The following TMEM131L variants were observed in gnomAD, a reference collection of about 807,000 sequenced individuals.
TMEM131L encodes transmembrane protein 131-like.
In TMEM131L, 54 loss-of-function variants were observed where a neutral mutation model predicts 192.2. The observed-to-expected ratio is 0.28, with a 90% CI of 0.23 to 0.35. The LOEUF (loss-of-function observed/expected upper bound fraction) is 0.35. Ranked by LOEUF, TMEM131L falls within the 10% of genes least tolerant of loss-of-function variation. The pLI, the probability that TMEM131L is intolerant of heterozygous loss-of-function variation, is 1.00. For synonymous variants in TMEM131L, 701 were observed against 704.9 expected (o/e 0.99, Z 0.09); for missense variants, 1,888 against 1,972.9 (o/e 0.96, Z 0.82).
chr4:153,551,022 G>A (rs1417085817), intron 4 of TMEM131L, among the ~76,000 whole-genome samples: 1 of 152,192 alleles, frequency 6.6e-6, no homozygotes, highest in East Asian at 1.9e-4. Context: ...GCAACATAAG[G>A]ACTCTTGTTG....
intron 3 of TMEM131L, among the ~76,000 whole-genome samples, chr4:153,525,889 G>A (rs563978223): frequency 1.5e-4 from 22 of 151,258 alleles, no homozygotes; most frequent in Non-Finnish European, 2.1e-4. Flanking sequence ...ATGGAGTCTC[G>A]CTCTGTCGCC....
intron 25 of TMEM131L, among the ~76,000 whole-genome samples, chr4:153,609,966 C>G (rs1402330823): frequency 6.6e-6 from 1 of 152,088 alleles, no homozygotes; most frequent in Non-Finnish European, 1.5e-5. Context: ...TGATGTTTTC[C>G]TTTGTGGATA....
intron 2 of TMEM131L, among the ~76,000 whole-genome samples, chr4:153,468,193 A>G (rs1730904720): frequency 6.6e-6 from 1 of 152,238 alleles, no homozygotes; most frequent in South Asian, 2.1e-4. Context: ...GTCCAGTTTT[A>G]CATTTCAGTT....
intron 9 of TMEM131L, among the ~76,000 whole-genome samples, chr4:153,582,430 G>GTTTTT (rs1561212531): frequency 3.9e-4 from 15 of 38,504 alleles, no homozygotes; most frequent in Middle Eastern, 0.021. Flanking sequence ...GTTTTTTTTT[G>GTTTTT]TTGTTTTTTT....
chr4:153,519,000 T>TA (rs1734926680), intron 3 of TMEM131L, among the ~76,000 whole-genome samples: 1 of 152,178 alleles, frequency 6.6e-6, no homozygotes, highest in Admixed American at 6.5e-5. Flanking sequence ...CCACCATTCT[T>TA]ACATTTGCTG....
rs1050321112 is a variant in TMEM131L, at chr4:153,469,729, C to G, written c.195+2448C>G. Among the ~76,000 whole-genome samples, 6 of 152,072 alleles carry G rather than the reference C, an allele frequency of 3.9e-5. 1 individual carries two copies. The highest frequency in any genetic ancestry group is 1.5e-4 in the African/African-American group (6 of 41,372). On this transcript the variant is annotated intron_variant, in intron 2 of 34. Transcript: ENST00000409959. ...ATCACCTGAGGTCAGGAGTTTGAGA[C>G]CAGTCTGACCAACATGGACAAACTC...
At chr4:153,570,277 T>G (rs747597758) in intron 7 of TMEM131L, among the ~76,000 whole-genome samples, 10 of 152,206 alleles carry the variant, frequency 6.6e-5, no homozygotes, top group Non-Finnish European at 1.3e-4. Context: ...CTCCAAGCAC[T>G]AATTTTAAGC....
intron 3 of TMEM131L, among the ~76,000 whole-genome samples, chr4:153,506,881 A>C (rs1274613230): frequency 6.6e-6 from 1 of 151,356 alleles, no homozygotes; most frequent in South Asian, 2.1e-4. Flanking sequence ...AAAAAAGAGT[A>C]TTTACTACTT....
At chr4:153,629,077 G>T (rs189340878) in intron 31 of TMEM131L, among the ~76,000 whole-genome samples, 560 of 152,190 alleles carry the variant, frequency 3.7e-3, no homozygotes, top group Non-Finnish European at 6.3e-3. Context: ...CCATGGTTTT[G>T]CCTAGTGCCC....
chr4:153,523,923 A>C (rs1314279563), intron 3 of TMEM131L, among the ~76,000 whole-genome samples: 1 of 152,176 alleles, frequency 6.6e-6, no homozygotes, highest in Non-Finnish European at 1.5e-5. Flanking sequence ...CCTTCCATAA[A>C]GGGAGCATGT....
chr4:153,477,717 A>C (rs1731649355), intron 3 of TMEM131L, among the ~76,000 whole-genome samples: 1 of 152,196 alleles, frequency 6.6e-6, no homozygotes. Flanking sequence ...AAAGTTTCAG[A>C]AAATAGTACT....
rs559403410 is a variant in TMEM131L at position 153,631,018 on chromosome 4, A to G, written c.4208-1700A>G. ...AGACCAAGCACCTAAACCATTGGCA[A>G]TAGCCTGAGAGTTGTTTACACCTAG... On this transcript the variant is annotated intron_variant, in intron 31 of 34. Coordinates refer to ENST00000409959, the MANE Select transcript of TMEM131L (RefSeq NM_001131007.2). Among the ~76,000 whole-genome samples, 10 of 152,378 alleles carry G rather than the reference A, an allele frequency of 6.6e-5. No individual in the cohort carries two copies. The South Asian group carries it at 2.1e-3, about 32-fold the overall frequency.
At chr4:153,494,411 ACTT>A (rs1396258882) in intron 3 of TMEM131L, among the ~76,000 whole-genome samples, 1 of 152,180 alleles carries the variant, frequency 6.6e-6, no homozygotes, top group Non-Finnish European at 1.5e-5. Flanking sequence ...TGTTTATGAT[ACTT>A]CTTTACAGAA....
At chr4:153,536,719 T>TCTCC (rs746417436) in intron 3 of TMEM131L, among the ~76,000 whole-genome samples, 26 of 105,862 alleles carry the variant, frequency 2.5e-4, no homozygotes, top group Non-Finnish European at 3.4e-4. Context: ...TGTCTATCTA[T>TCTCC]CTCCCTCCCT....
rs1007184571 is a variant in TMEM131L at position 153,466,375 on chromosome 4, C to A, written c.-23C>A. 3 of 1,274,486 alleles carry A rather than the reference C, an allele frequency of 2.4e-6. No homozygotes were observed. The highest frequency in any genetic ancestry group is 3.2e-5 in the East Asian group (1 of 31,096). The allele number at this position is 1,274,486 out of a possible 1,614,324, so 78.9% of individuals were successfully genotyped here. On this transcript the variant is annotated 5_prime_UTR_variant, in exon 1 of 35. Coordinates refer to ENST00000409959, the MANE Select transcript of TMEM131L (RefSeq NM_001131007.2). The stretch of plus-strand genomic sequence containing the variant: ...AGCTAGCGGCGAGCGCGGCGAGCAA[C>A]GGAGAGGAGCGCGAGCAGCAGCATG...
In TMEM131L at chr4:153,623,463, A is replaced by G. The variant is rs773868509; in HGVS notation, c.4045+380A>G. On this transcript the variant is annotated intron_variant, in intron 29 of 34. Coordinates refer to ENST00000409959, the MANE Select transcript of TMEM131L (RefSeq NM_001131007.2). The stretch of plus-strand genomic sequence containing the variant: ...CAACTGTCCATCTCCAGTATTTTTT[A>G]TCTTGCAAAACTGAAACTGTACCCA... 2.6e-4 allele frequency among the ~76,000 whole-genome samples: 40 copies of G among 152,230 alleles called. 1 individual carries two copies. Among genetic ancestry groups the G allele is most frequent in the Admixed American group, 1.0e-3 (16 of 15,300 alleles).
chr4:153,603,719 C>G (rs1732009309), intron 24 of TMEM131L, 83 bp from the exon 25 acceptor site: 4 of 1,418,966 alleles, frequency 2.8e-6, no homozygotes, highest in Non-Finnish European at 3.8e-6. Context: ...TGATTGCTAC[C>G]CTTTTCTCAT....
intron 3 of TMEM131L, among the ~76,000 whole-genome samples, chr4:153,504,782 A>G (rs1733875300): frequency 6.6e-6 from 1 of 152,222 alleles, no homozygotes. Flanking sequence ...GAAACTTAGG[A>G]TACATGAGAA....
rs910512452 is a variant in TMEM131L at position 153,492,327 on chromosome 4, T to C, written c.239+18439T>C. The stretch of plus-strand genomic sequence containing the variant: ...CTGCACATAGCCCAATTTTTTCTTT[T>C]TAGTTCACTTTAAATTAAAAATAGA... On this transcript the variant is annotated intron_variant, in intron 3 of 34. Transcript: ENST00000409959. Among the ~76,000 whole-genome samples, 11 of 152,234 alleles carry C rather than the reference T, an allele frequency of 7.2e-5. 1 individual carries two copies. Among genetic ancestry groups the C allele is most frequent in the Admixed American group, 1.3e-4 (2 of 15,284 alleles).
Sources: allele counts gnomAD v4.1 joint callset (sites outside exome capture counted in the v4.1 genomes callset), GRCh38; gene constraint gnomAD v4.1.1; transcripts MANE v1.5; gene names NCBI Gene and HGNC (gene_info 2026-07-23, HGNC 2026-07-21).